KLC1: variants seen among roughly 807,000 people sequenced by gnomAD.
The protein encoded by KLC1 is kinesin light chain 1, also known as kinesin 2 60/70kDa.
A neutral mutation model predicts 84.2 loss-of-function variants in KLC1; 30 were observed. That is an observed-to-expected ratio of 0.36 (90% CI 0.27 to 0.48). KLC1 has a LOEUF of 0.48. KLC1 is among the 20% of genes least tolerant of loss of function. The pLI, the probability that KLC1 is intolerant of heterozygous loss-of-function variation, is 0.99. For synonymous variants in KLC1, 289 were observed against 293.3 expected (o/e 0.99, Z 0.15); for missense variants, 499 against 805.4 (o/e 0.62, Z 4.60).
intron 5 of KLC1, among the ~76,000 whole-genome samples, chr14:103,666,069 C>A (rs1441864358): frequency 6.6e-6 from 1 of 151,806 alleles, no homozygotes; most frequent in Non-Finnish European, 1.5e-5. Flanking sequence ...TGGTGGGCTT[C>A]TTTTTGTTTT....
chr14:103,645,509 T>A (rs2077849219), intron 1 of KLC1, among the ~76,000 whole-genome samples: 1 of 152,176 alleles, frequency 6.6e-6, no homozygotes, highest in Non-Finnish European at 1.5e-5. Flanking sequence ...TGTGTTATGC[T>A]GAACGTTGAG....
intron 15 of KLC1, chr14:103,695,503 G>A: frequency 4.1e-6 from 4 of 985,366 alleles, no homozygotes; most frequent in Non-Finnish European, 4.8e-6. Context: ...GCGACAGGGA[G>A]GAGGGCTCCG....
intron 13 of KLC1, chr14:103,685,721 C>T (rs919453691): frequency 1.9e-5 from 25 of 1,289,378 alleles, no homozygotes; most frequent in Middle Eastern, 2.1e-4. Context: ...CAGTGCTGCC[C>T]GCTGTGTCTA....
At position 103,694,495 on chromosome 14, in the gene KLC1, C is replaced by T. The variant is rs61120712; in HGVS notation, c.1848+2070C>T. ...TTAAGCTTTATGGAATGAGGGAGCACGGTGGACTCTGACAGGAACCTTTTC... is the reference window on the plus strand; with the variant it reads ...TTAAGCTTTATGGAATGAGGGAGCATGGTGGACTCTGACAGGAACCTTTTC... On this transcript the variant is annotated intron_variant, in intron 15 of 16. Coordinates refer to ENST00000334553, the MANE Select transcript of KLC1 (RefSeq NM_001394837.1). The surrounding 1 kb of genome is among the most constrained non-coding windows in gnomAD (Gnocchi z 4.5). The T allele has an allele frequency of 5.8e-4, 567 of 985,458 alleles. 3 individuals are homozygous for T. The African/African-American group carries it at 8.9e-3, about 15-fold the overall frequency. The allele number at this position is 985,458 out of a possible 1,614,324, so 61.0% of individuals were successfully genotyped here. A position where few individuals can be genotyped will look rare whatever the true frequency, so the allele number is the denominator to read the frequency against.
At chr14:103,641,117 G>A (rs2077457249) in intron 1 of KLC1, among the ~76,000 whole-genome samples, 1 of 152,080 alleles carries the variant, frequency 6.6e-6, no homozygotes, top group Admixed American at 6.6e-5. Flanking sequence ...TAGAGATGGG[G>A]TTTTGCCATG....
At chr14:103,636,187 C>T (rs1202048645) in intron 1 of KLC1, among the ~76,000 whole-genome samples, 1 of 152,072 alleles carries the variant, frequency 6.6e-6, no homozygotes, top group Non-Finnish European at 1.5e-5. Flanking sequence ...ATCTTTTCTA[C>T]TTTGTTTCTA....
rs935747117 is a variant in KLC1 at position 103,693,666 on chromosome 14, G to A, written c.1848+1241G>A. On this transcript the variant is annotated intron_variant, in intron 15 of 16. Coordinates refer to ENST00000334553, the MANE Select transcript of KLC1 (RefSeq NM_001394837.1). This position sits in a 1 kb window ranked among gnomAD's most constrained non-coding sequence, Gnocchi z 5.1. Reference sequence around the variant, plus strand: ...TGTCTTGGGAGTGTGAGACCGCCCCGCCCTGCCACGCCCCTCACCGCCCTG... The same window carrying A: ...TGTCTTGGGAGTGTGAGACCGCCCCACCCTGCCACGCCCCTCACCGCCCTG... 5.9e-6 allele frequency: 9 copies of A among 1,528,112 alleles called. No individual in the cohort carries two copies. Among genetic ancestry groups the A allele is most frequent in the South Asian group, 2.4e-5 (2 of 83,614 alleles). The allele number at this position is 1,528,112 out of a possible 1,614,324, so 94.7% of individuals were successfully genotyped here. A position where few individuals can be genotyped will look rare whatever the true frequency, so the allele number is the denominator to read the frequency against.
In KLC1 at chr14:103,673,397, T is replaced by G. The variant is rs777292141; in HGVS notation, c.1227T>G (p.Thr409=). 37 of 1,609,098 alleles carry G rather than the reference T, an allele frequency of 2.3e-5. No homozygotes were observed. Among genetic ancestry groups the G allele is most frequent in the African/African-American group, 4.0e-5 (3 of 74,676 alleles). ...QAETLYKEIL[T]RAHEREFGSV... ...AAACACTGTACAAAGAGATTCTCACTCGTGCACATGAAAGGGAGTTTGGTT... is the reference window on the plus strand; with the variant it reads ...AAACACTGTACAAAGAGATTCTCACGCGTGCACATGAAAGGGAGTTTGGTT... The change falls in exon 9 of 17, where the codon ACT becomes ACG. Residue 409 remains threonine, a synonymous_variant. Transcript: ENST00000334553.
intron 9 of KLC1, among the ~76,000 whole-genome samples, chr14:103,675,040 G>T (rs2080761469): frequency 6.6e-6 from 1 of 152,100 alleles, no homozygotes; most frequent in Admixed American, 6.6e-5. Flanking sequence ...ATATAAAAAA[G>T]AAAACAGGCT....
chr14:103,652,789 T>G (rs2078559110), intron 1 of KLC1, among the ~76,000 whole-genome samples: 1 of 152,164 alleles, frequency 6.6e-6, no homozygotes, highest in Non-Finnish European at 1.5e-5. Context: ...CCGTGCCCGG[T>G]CGGCGTTTGT....
intron 15 of KLC1, chr14:103,696,638 A>C (rs2082548002): frequency 1.0e-6 from 1 of 985,350 alleles, no homozygotes; most frequent in Non-Finnish European, 1.2e-6. Flanking sequence ...TGCTGGGGCC[A>C]GCAGGCTGCG....
At chr14:103,637,541 A>G (rs1383962663) in intron 1 of KLC1, among the ~76,000 whole-genome samples, 1 of 151,972 alleles carries the variant, frequency 6.6e-6, no homozygotes, top group African/African-American at 2.4e-5. Context: ...AAAAAAAAAA[A>G]GAAATTTTCG....
In KLC1 at chr14:103,662,697, T is replaced by G. The variant is rs780703634; in HGVS notation, c.572-5T>G. The G allele has an allele frequency of 3.0e-5, 46 of 1,558,796 alleles. No homozygotes were observed. The highest frequency in any genetic ancestry group is 3.7e-5 in the Non-Finnish European group (43 of 1,154,108). Reference sequence around the variant, plus strand: ...ACCCATCTGAAGTGAACTTTCTCGGTGCAGTCCAGCAGCAGCACAGCAGTG... The same window carrying G: ...ACCCATCTGAAGTGAACTTTCTCGGGGCAGTCCAGCAGCAGCACAGCAGTG... On this transcript the variant is annotated splice_polypyrimidine_tract_variant and splice_region_variant and intron_variant, in intron 4 of 16. Coordinates refer to ENST00000334553, the MANE Select transcript of KLC1 (RefSeq NM_001394837.1).
chr14:103,698,443 T>G, intron 15 of KLC1: 2 of 343,586 alleles, frequency 5.8e-6, no homozygotes, highest in Non-Finnish European at 5.6e-6. Flanking sequence ...GCAACCCCAG[T>G]TGGGCTTCCA....
chr14:103,638,240 T>A (rs2077196116), intron 1 of KLC1, among the ~76,000 whole-genome samples: 1 of 152,210 alleles, frequency 6.6e-6, no homozygotes. Context: ...TTTTCCTTAA[T>A]GTGCTACCCT....
At position 103,701,494 on chromosome 14, in the gene KLC1, G is replaced by A. The variant is rs544128624; in HGVS notation, c.*295G>A. ...TGTGTAACTTCCTCACGTTGTGTGC[G>A]ATAACGTATTTTATTGTACATTTTT... On this transcript the variant is annotated 3_prime_UTR_variant, in exon 17 of 17. Transcript: ENST00000334553. 2 of 409,144 alleles carry A rather than the reference G, an allele frequency of 4.9e-6. No individual in the cohort carries two copies. Among genetic ancestry groups the A allele is most frequent in the South Asian group, 8.1e-5 (1 of 12,302 alleles). The allele number at this position is 409,144 out of a possible 1,614,324, so 25.3% of individuals were successfully genotyped here.
intron 1 of KLC1, among the ~76,000 whole-genome samples, chr14:103,648,236 A>T (rs2078109070): frequency 6.6e-6 from 1 of 152,214 alleles, no homozygotes; most frequent in East Asian, 1.9e-4. Flanking sequence ...GGCGTGAGCC[A>T]CCGCGCCCAG....
At chr14:103,650,744 A>G (rs367829222) in intron 1 of KLC1, among the ~76,000 whole-genome samples, 4 of 151,724 alleles carry the variant, frequency 2.6e-5, no homozygotes, top group East Asian at 3.9e-4. Flanking sequence ...ACGCCTGGCT[A>G]ATTTTTTGTA....
chr14:103,694,814 A>G lies in KLC1; in HGVS notation c.1848+2389A>G. 1 of 985,410 alleles carries G rather than the reference A, an allele frequency of 1.0e-6. No individual in the cohort carries two copies. The allele number at this position is 985,410 out of a possible 1,614,324, so 61.0% of individuals were successfully genotyped here. A position where few individuals can be genotyped will look rare whatever the true frequency, so the allele number is the denominator to read the frequency against. ...CCCGTGGGGCACGAAGGCTGGGGAC[A>G]GAGTGTCCTGAGGTTTTGTTACAAG... On this transcript the variant is annotated intron_variant, in intron 15 of 16. Coordinates refer to ENST00000334553, the MANE Select transcript of KLC1 (RefSeq NM_001394837.1). The surrounding 1 kb of genome is among the most constrained non-coding windows in gnomAD (Gnocchi z 4.5).
Sources: allele counts gnomAD v4.1 joint callset (sites outside exome capture counted in the v4.1 genomes callset), GRCh38; gene constraint gnomAD v4.1.1; non-coding constraint Gnocchi (gnomAD v3.1); transcripts MANE v1.5; gene names NCBI Gene and HGNC (gene_info 2026-07-23, HGNC 2026-07-21).